The following NOX3 variants were observed in gnomAD, a reference collection of about 807,000 sequenced individuals.
NOX3 encodes the protein NADPH oxidase 3, also known as NADPH oxidase catalytic subunit-like 3.
NOX3 carries 74 observed loss-of-function variants against 76.7 expected under a neutral mutation model. That is an observed-to-expected ratio of 0.96 (90% CI 0.80 to 1.17). The LOEUF (loss-of-function observed/expected upper bound fraction) is 1.17. Ranked by LOEUF, NOX3 falls within the 50% of genes most tolerant of loss-of-function variation. NOX3 has a pLI of 0.00. For synonymous variants in NOX3, 263 were observed against 261.1 expected (o/e 1.01, Z -0.07); for missense variants, 695 against 703.3 (o/e 0.99, Z 0.13).
intron 5 of NOX3, among the ~76,000 whole-genome samples, chr6:155,440,864 T>A (rs1433685363): frequency 1.3e-5 from 2 of 152,102 alleles, no homozygotes; most frequent in Non-Finnish European, 2.9e-5. Context: ...TTTTGAGAGG[T>A]CCCTTGGGGC....
intron 9 of NOX3, among the ~76,000 whole-genome samples, chr6:155,428,237 G>T (rs568473194): frequency 6.6e-6 from 1 of 152,306 alleles, no homozygotes; most frequent in Non-Finnish European, 1.5e-5. Context: ...GTCCCCCATT[G>T]ATATGTTAAA....
At position 155,436,536 on chromosome 6, in the gene NOX3, C is replaced by T. The variant is rs1554264191; in HGVS notation, c.680G>A (p.Arg227Gln). Residue 227 changes from arginine to glutamine, a missense_variant, in exon 7 of 14, where the codon CGA (arginine) becomes CAA (glutamine). Arg to Gln is a conservative substitution (Grantham distance 43). Transcript: ENST00000159060. ...LAIHGTGRIVRGQTQDSLSLH... is the reference protein window; with the variant it reads ...LAIHGTGRIVQGQTQDSLSLH... ...AGAGAGACTGTCTTGGGTTTGGCCT[C>T]GAACAATCCGACTTGTTATTTAAGA... 9.3e-6 allele frequency: 15 copies of T among 1,611,974 alleles called. No individual in the cohort carries two copies. The highest frequency in any genetic ancestry group is 1.2e-5 in the Non-Finnish European group (14 of 1,179,576).
At chr6:155,454,563 A>C (rs1454643038) in intron 3 of NOX3, among the ~76,000 whole-genome samples, 4 of 152,214 alleles carry the variant, frequency 2.6e-5, no homozygotes, top group Admixed American at 1.3e-4. Context: ...CATGGGGCAA[A>C]TATATCAGGA....
At chr6:155,408,266 A>G (rs1054653370) in intron 11 of NOX3, among the ~76,000 whole-genome samples, 2 of 152,184 alleles carry the variant, frequency 1.3e-5, no homozygotes, top group African/African-American at 2.4e-5. Flanking sequence ...GATTACAGGC[A>G]TGAGCCACTG....
chr6:155,411,164 C>T, intron 11 of NOX3, 50 bp downstream of exon 11: 1 of 1,534,694 alleles, frequency 6.5e-7, no homozygotes, highest in Admixed American at 1.8e-5. Flanking sequence ...TTCCTCATTG[C>T]TATTAGATGA....
intron 7 of NOX3, among the ~76,000 whole-genome samples, chr6:155,434,648 G>A (rs1190071487): frequency 2.0e-5 from 3 of 152,212 alleles, no homozygotes; most frequent in Admixed American, 6.5e-5. Context: ...AAGACACTCA[G>A]TCTTCATATA....
chr6:155,448,972 CTG>C (rs1469720096), intron 4 of NOX3, among the ~76,000 whole-genome samples: 3 of 152,160 alleles, frequency 2.0e-5, no homozygotes, highest in Non-Finnish European at 4.4e-5. Flanking sequence ...CTCTGGCACC[CTG>C]TGTGTGCCAC....
chr6:155,409,294 C>A (rs1298956392), intron 11 of NOX3, among the ~76,000 whole-genome samples: 1 of 152,076 alleles, frequency 6.6e-6, no homozygotes, highest in African/African-American at 2.4e-5. Context: ...TGTGACTGTG[C>A]ACAGTGTGAT....
intron 5 of NOX3, among the ~76,000 whole-genome samples, chr6:155,442,088 C>T (rs192501034): frequency 2.6e-5 from 4 of 152,234 alleles, no homozygotes; most frequent in African/African-American, 9.6e-5. Flanking sequence ...CACAGTGAAA[C>T]CCCGTCTCTA....
chr6:155,426,473 T>C (rs1043541003), intron 9 of NOX3, among the ~76,000 whole-genome samples: 1 of 152,054 alleles, frequency 6.6e-6, no homozygotes, highest in African/African-American at 2.4e-5. Context: ...ATCATGGCGA[T>C]TGAGTGACTG....
chr6:155,454,229 G>C (rs1279434215), intron 3 of NOX3, among the ~76,000 whole-genome samples: 1 of 152,078 alleles, frequency 6.6e-6, no homozygotes, highest in Admixed American at 6.6e-5. Flanking sequence ...AACAATAAGG[G>C]GAAGTGCAAT....
chr6:155,414,858 C>A (rs1252475131), intron 10 of NOX3, among the ~76,000 whole-genome samples: 1 of 152,058 alleles, frequency 6.6e-6, no homozygotes, highest in African/African-American at 2.4e-5. Context: ...GAACTCCTGA[C>A]CTCAAGTGAT....
rs769487012 is a variant in NOX3 at position 155,422,790 on chromosome 6, G to C, written c.1212C>G (p.Cys404Trp). The change falls in exon 10 of 14, where the codon TGC (cysteine) becomes TGG (tryptophan). Residue 404 changes from cysteine (C) to tryptophan (W), a missense_variant. Coordinates refer to ENST00000159060, the MANE Select transcript of NOX3 (RefSeq NM_015718.3). ...TDVFHYPVCV[C>W]VAAGIGVTPF... ...GAGTGACTCCGATCCCCGCGGCAAC[G>C]CACACACACACTGGGTAGTGAAATA... The C allele has an allele frequency of 4.3e-6, 7 of 1,613,810 alleles. No homozygotes were observed. The highest frequency in any genetic ancestry group is 1.3e-5 in the African/African-American group (1 of 74,902).
At chr6:155,417,962 A>T (rs1370787264) in intron 10 of NOX3, among the ~76,000 whole-genome samples, 1 of 152,196 alleles carries the variant, frequency 6.6e-6, no homozygotes, top group African/African-American at 2.4e-5. Context: ...ATGAAGGAAG[A>T]CAATTTATGA....
chr6:155,430,383 C>T (rs1776816836), intron 8 of NOX3, among the ~76,000 whole-genome samples: 1 of 152,042 alleles, frequency 6.6e-6, no homozygotes, highest in African/African-American at 2.4e-5. Context: ...ACAGTGGTCC[C>T]TCTTGCTCTG....
At chr6:155,441,890 A>T (rs1003586025) in intron 5 of NOX3, among the ~76,000 whole-genome samples, 8 of 152,180 alleles carry the variant, frequency 5.3e-5, no homozygotes, top group African/African-American at 1.9e-4. Context: ...GACGGACACA[A>T]AGGCATCCCC....
chr6:155,436,545 C>G lies in NOX3; in HGVS notation c.671G>C (p.Arg224Pro). 1 of 1,609,678 alleles carries G rather than the reference C, an allele frequency of 6.2e-7. No homozygotes were observed. Among genetic ancestry groups the G allele is most frequent in the Non-Finnish European group, 8.5e-7 (1 of 1,178,962 alleles). ...GTCTTGGGTTTGGCCTCGAACAATC[C>G]GACTTGTTATTTAAGAAAAGCAAAA... is the stretch of plus-strand genomic sequence containing the variant. ...FLSLAIHGTG[R>P]IVRGQTQDSL... The change falls in exon 7 of 14, where the codon CGG becomes CCG. Residue 224 changes from arginine (R) to proline (P), a missense_variant and splice_region_variant. Physicochemically the swap from Arg to Pro is moderately radical, Grantham distance 103 (BLOSUM62 -2). Coordinates refer to ENST00000159060, the MANE Select transcript of NOX3 (RefSeq NM_015718.3).
At chr6:155,454,165 C>G (rs541799555) in intron 3 of NOX3, among the ~76,000 whole-genome samples, 2 of 152,104 alleles carry the variant, frequency 1.3e-5, no homozygotes, top group South Asian at 2.1e-4. Context: ...TATACTTGCT[C>G]CACACAGGGT....
At chr6:155,444,441 G>A (rs765075226) in intron 4 of NOX3, among the ~76,000 whole-genome samples, 3 of 152,158 alleles carry the variant, frequency 2.0e-5, no homozygotes, top group African/African-American at 4.8e-5. Context: ...CTTAAAAATG[G>A]CCTCAAAGCG....
Sources: allele counts gnomAD v4.1 joint callset (sites outside exome capture counted in the v4.1 genomes callset), GRCh38; gene constraint gnomAD v4.1.1; transcripts MANE v1.5; gene names NCBI Gene and HGNC (gene_info 2026-07-23, HGNC 2026-07-21).